The following HIVEP3 variants were observed in gnomAD, a reference collection of about 807,000 sequenced individuals.
HIVEP3 encodes the protein HIVEP zinc finger 3, also known as transcription factor HIVEP3.
A neutral mutation model predicts 152.8 loss-of-function variants in HIVEP3; 49 were observed. The ratio of observed to expected loss-of-function variants is 0.32; its 90% CI spans 0.26 to 0.41. The LOEUF is 0.41. Ranked by LOEUF, HIVEP3 falls within the 10% of genes least tolerant of loss-of-function variation. HIVEP3 has a pLI of 1.00. For synonymous variants in HIVEP3, 1,269 were observed against 1,289.0 expected, an observed-to-expected ratio of 0.98 and a Z score of 0.33; for missense variants, 2,790 against 3,103.3, an observed-to-expected ratio of 0.90 and a Z score of 2.40.
chr1:41,693,307 G>A (rs1183527404), intron 2 of HIVEP3, among the ~76,000 whole-genome samples: 1 of 152,180 alleles, frequency 6.6e-6, no homozygotes, highest in Non-Finnish European at 1.5e-5. Flanking sequence ...CCACTAAACA[G>A]TGCTCCAGTG....
At chr1:41,774,282 G>A (rs1294909859) in intron 1 of HIVEP3, among the ~76,000 whole-genome samples, 2 of 152,244 alleles carry the variant, frequency 1.3e-5, no homozygotes, top group Non-Finnish European at 1.5e-5. Context: ...CACATCATGT[G>A]AGTAAGAAAA....
intron 1 of HIVEP3, among the ~76,000 whole-genome samples, chr1:41,810,649 A>G (rs1325815256): frequency 6.6e-6 from 1 of 152,158 alleles, no homozygotes; most frequent in Admixed American, 6.5e-5. Flanking sequence ...AACCCCTTGG[A>G]GCTCTCCAAG....
At chr1:41,771,409 A>C (rs950267336) in intron 1 of HIVEP3, among the ~76,000 whole-genome samples, 2 of 152,202 alleles carry the variant, frequency 1.3e-5, no homozygotes, top group Non-Finnish European at 2.9e-5. Flanking sequence ...AAAAGAAGTT[A>C]AACTTTAGCC....
intron 1 of HIVEP3, among the ~76,000 whole-genome samples, chr1:41,963,640 G>GTT (rs931923567): frequency 8.6e-5 from 13 of 151,908 alleles, no homozygotes; most frequent in African/African-American, 2.7e-4. Flanking sequence ...AAACCTGCAC[G>GTT]TTGTGCACAT....
At chr1:41,600,143 T>C (rs771126922) in intron 3 of HIVEP3, among the ~76,000 whole-genome samples, 2 of 152,220 alleles carry the variant, frequency 1.3e-5, no homozygotes, top group African/African-American at 2.4e-5. Flanking sequence ...GCAGCCTCTA[T>C]GGAAAACACT....
intron 1 of HIVEP3, among the ~76,000 whole-genome samples, chr1:41,820,990 G>A (rs1642578216): frequency 6.6e-6 from 1 of 152,220 alleles, no homozygotes; most frequent in South Asian, 2.1e-4. Context: ...GGTCAGGGAA[G>A]GAAGGTACAG....
intron 1 of HIVEP3, among the ~76,000 whole-genome samples, chr1:41,980,917 A>G (rs899614337): frequency 1.3e-5 from 2 of 152,210 alleles, no homozygotes; most frequent in South Asian, 4.1e-4. Flanking sequence ...CAAATACTCC[A>G]TGAGGAATGT....
chr1:41,587,952 C>T (rs1644530239), intron 3 of HIVEP3, among the ~76,000 whole-genome samples: 1 of 152,194 alleles, frequency 6.6e-6, no homozygotes. Context: ...AAGGAATTGT[C>T]TAGCATCTGA....
At chr1:41,769,898 T>C (rs919651401) in intron 1 of HIVEP3, among the ~76,000 whole-genome samples, 1 of 152,234 alleles carries the variant, frequency 6.6e-6, no homozygotes, top group Non-Finnish European at 1.5e-5. Context: ...GAAAAATCAC[T>C]CTTAGAATAC....
At chr1:41,997,543 T>C (rs1044461531) in intron 1 of HIVEP3, among the ~76,000 whole-genome samples, 1 of 152,254 alleles carries the variant, frequency 6.6e-6, no homozygotes, top group African/African-American at 2.4e-5. Flanking sequence ...TCTTACTTTA[T>C]ATTTATTCCT....
chr1:42,011,765 T>C (rs1229820433), intron 1 of HIVEP3, among the ~76,000 whole-genome samples: 1 of 152,250 alleles, frequency 6.6e-6, no homozygotes, highest in Non-Finnish European at 1.5e-5. Flanking sequence ...TTCGGTTCAC[T>C]GACTCCCTTA....
intron 1 of HIVEP3, among the ~76,000 whole-genome samples, chr1:41,845,418 C>T (rs774155703): frequency 2.2e-4 from 20 of 92,380 alleles, no homozygotes; most frequent in Non-Finnish European, 2.7e-4. Flanking sequence ...CACACACACA[C>T]GCACACACAC....
intron 1 of HIVEP3, among the ~76,000 whole-genome samples, chr1:41,915,136 CA>C (rs34627841): frequency 0.73 from 108,166 of 149,042 alleles, 39,211 homozygotes; most frequent in East Asian, 0.92. Context: ...AAGAATCATG[CA>C]AAAAAAAAAA....
chr1:41,720,235 T>A (rs1646655651), intron 1 of HIVEP3, among the ~76,000 whole-genome samples: 1 of 152,228 alleles, frequency 6.6e-6, no homozygotes, highest in South Asian at 2.1e-4. Context: ...ACACCACCTC[T>A]GAGTGGGCCT....
chr1:41,928,462 T>C (rs1424624998), intron 1 of HIVEP3, among the ~76,000 whole-genome samples: 1 of 152,214 alleles, frequency 6.6e-6, no homozygotes. Flanking sequence ...CAGAAACATC[T>C]TACATAACCA....
At chr1:41,556,215 A>C (rs2810560) in intron 5 of HIVEP3, among the ~76,000 whole-genome samples, 2 of 152,112 alleles carry the variant, frequency 1.3e-5, no homozygotes, top group South Asian at 2.1e-4. Context: ...ACCGTTTTTC[A>C]CAGCGGCTGC....
chr1:41,712,044 A>G (rs985977863), intron 1 of HIVEP3, among the ~76,000 whole-genome samples: 1 of 152,228 alleles, frequency 6.6e-6, no homozygotes, highest in African/African-American at 2.4e-5. Flanking sequence ...ACAAGCCTCT[A>G]GGATGATTAC....
intron 1 of HIVEP3, among the ~76,000 whole-genome samples, chr1:42,017,585 T>A (rs1645531091): frequency 6.6e-6 from 1 of 152,132 alleles, no homozygotes; most frequent in Non-Finnish European, 1.5e-5. Context: ...TACGCCCATG[T>A]TTTTGCATGT....
intron 1 of HIVEP3, among the ~76,000 whole-genome samples, chr1:41,840,634 C>T (rs1359278392): frequency 1.3e-5 from 2 of 152,216 alleles, no homozygotes; most frequent in South Asian, 2.1e-4. Context: ...CGAGACCCTA[C>T]ATTCTCATCC....
Sources: gnomAD v4.1 joint callset for allele counts (sites outside exome capture counted in the v4.1 genomes callset) on GRCh38, gnomAD v4.1.1 for gene constraint, MANE v1.5 for transcripts, NCBI Gene and HGNC (gene_info 2026-07-23, HGNC 2026-07-21) for gene names.